Variants in NCKAP5 observed in about 807,000 individuals in gnomAD.
The protein encoded by NCKAP5 is NCK associated protein 5.
A neutral mutation model predicts 167.0 loss-of-function variants in NCKAP5; 92 were observed. That is an observed-to-expected ratio of 0.55 (90% CI 0.47 to 0.66). The LOEUF is 0.66. Among genes scored for constraint, NCKAP5 ranks in the 30% least tolerant of loss-of-function variants. The pLI, the probability that NCKAP5 is intolerant of heterozygous loss-of-function variation, is 0.00. For missense variants in NCKAP5, 2,378 were observed against 2,315.0 expected (o/e 1.03, Z -0.56); for synonymous variants, 891 against 877.4 (o/e 1.02, Z -0.27).
chr2:133,572,127 C>T (rs1361637435), upstream of NCKAP5, among the ~76,000 whole-genome samples: 2 of 152,160 alleles, frequency 1.3e-5, no homozygotes, highest in East Asian at 1.9e-4. Context: ...GTGGCAGATC[C>T]GGAATTTCAA....
chr2:133,626,882 A>T, the NCKAP5 span, among the ~76,000 whole-genome samples: 1 of 151,960 alleles, frequency 6.6e-6, no homozygotes, highest in African/African-American at 2.4e-5. Context: ...TATTCAATAA[A>T]GTTAAGGAAA....
At chr2:133,072,871 G>A (rs1450460321) in intron 6 of NCKAP5, among the ~76,000 whole-genome samples, 1 of 152,052 alleles carries the variant, frequency 6.6e-6, no homozygotes, top group Non-Finnish European at 1.5e-5. Context: ...AATAGGAAAG[G>A]AAGCCTCAAA....
intron 6 of NCKAP5, among the ~76,000 whole-genome samples, chr2:133,113,601 G>A (rs2081984317): frequency 6.6e-6 from 1 of 152,208 alleles, no homozygotes; most frequent in African/African-American, 2.4e-5. Flanking sequence ...TGCCCATGCA[G>A]AGTCTGTGCC....
intron 6 of NCKAP5, among the ~76,000 whole-genome samples, chr2:133,065,798 A>C (rs898876703): frequency 6.6e-6 from 1 of 152,206 alleles, no homozygotes; most frequent in African/African-American, 2.4e-5. Flanking sequence ...AGCCTCCTCA[A>C]AGCGGTAGTA....
Position 133,185,345 on chromosome 2 carries a change from G to A in NCKAP5, c.207+28371C>T, listed in dbSNP as rs369834891. ...GTGTCTGCTTTTGCACCAGTACCAC[G>A]GTGTTTTGGTTACTGTGGCACTATA... On this transcript the variant is annotated intron_variant, in intron 5 of 19. Transcript: ENST00000409261. 7.9e-5 allele frequency among the ~76,000 whole-genome samples: 12 copies of A among 152,158 alleles called. No homozygotes were observed. In the South Asian group the frequency reaches 1.5e-3, roughly 18 times the overall value.
At chr2:133,084,261 C>G (rs183924485) in intron 6 of NCKAP5, among the ~76,000 whole-genome samples, 8 of 152,226 alleles carry the variant, frequency 5.3e-5, no homozygotes, top group Admixed American at 4.6e-4. Context: ...TGAAACAGAT[C>G]TGGAATGAAT....
intron 6 of NCKAP5, among the ~76,000 whole-genome samples, chr2:133,014,010 G>C (rs1286895574): frequency 6.6e-6 from 1 of 152,128 alleles, no homozygotes; most frequent in Non-Finnish European, 1.5e-5. Context: ...TCCTGTCCTT[G>C]AACTGCTCTT....
intron 2 of NCKAP5, among the ~76,000 whole-genome samples, chr2:133,558,842 A>C (rs932997240): frequency 2.0e-5 from 3 of 151,864 alleles, no homozygotes; most frequent in African/African-American, 7.3e-5. Context: ...CAAAATACTG[A>C]GTAAAGGGAA....
At chr2:133,003,987 C>T (rs977232645) in intron 6 of NCKAP5, among the ~76,000 whole-genome samples, 5 of 152,214 alleles carry the variant, frequency 3.3e-5, no homozygotes, top group Middle Eastern at 3.4e-3. Context: ...AGAGAAGTCC[C>T]GTTTTGCACA....
chr2:133,441,222 T>G (rs1194608127), intron 3 of NCKAP5, among the ~76,000 whole-genome samples: 1 of 152,190 alleles, frequency 6.6e-6, no homozygotes, highest in Non-Finnish European at 1.5e-5. Flanking sequence ...ATATATGTTC[T>G]GTCATAAGGA....
At chr2:133,086,175 A>G (rs1376977960) in intron 6 of NCKAP5, among the ~76,000 whole-genome samples, 1 of 152,136 alleles carries the variant, frequency 6.6e-6, no homozygotes, top group African/African-American at 2.4e-5. Context: ...TCAATTACTG[A>G]GCTCTACTGC....
At position 133,048,114 on chromosome 2, in the gene NCKAP5, C is replaced by A. The variant is rs542288022; in HGVS notation, c.342-53875G>T. On this transcript the variant is annotated intron_variant, in intron 6 of 19. Transcript: ENST00000409261. Reference sequence around the variant, plus strand: ...CTCACTGTGGTGTGAGTTTCACAGTCAAAGGAGGACGGCCTAAGTCCTTTG... The same window carrying A: ...CTCACTGTGGTGTGAGTTTCACAGTAAAAGGAGGACGGCCTAAGTCCTTTG... 2.0e-5 allele frequency among the ~76,000 whole-genome samples: 3 copies of A among 152,272 alleles called. No individual in the cohort carries two copies. The East Asian group carries it at 5.8e-4, about 30-fold the overall frequency.
At chr2:133,156,605 A>C (rs145854916) in intron 5 of NCKAP5, among the ~76,000 whole-genome samples, 1 of 152,256 alleles carries the variant, frequency 6.6e-6, no homozygotes, top group East Asian at 1.9e-4. Flanking sequence ...TAACATACTG[A>C]GTATTGGTTC....
intron 3 of NCKAP5, among the ~76,000 whole-genome samples, chr2:133,312,159 C>T (rs1574670929): frequency 6.6e-6 from 1 of 152,152 alleles, no homozygotes; most frequent in African/African-American, 2.4e-5. Flanking sequence ...TCTTTATAAC[C>T]TCTGTCATAT....
intron 11 of NCKAP5, among the ~76,000 whole-genome samples, chr2:132,831,885 G>A (rs1256660478): frequency 6.6e-6 from 1 of 151,982 alleles, no homozygotes; most frequent in East Asian, 1.9e-4. Context: ...TGCTTATCTT[G>A]TTACAGCTAT....
chr2:132,724,538 C>A (rs920838153), intron 19 of NCKAP5, among the ~76,000 whole-genome samples: 5 of 152,058 alleles, frequency 3.3e-5, no homozygotes, highest in Admixed American at 3.3e-4. Context: ...TAGGAGCCGG[C>A]ATCATCCTAG....
intron 3 of NCKAP5, among the ~76,000 whole-genome samples, 159 bp from the exon 4 acceptor site, chr2:133,303,269 A>G (rs1204298485): frequency 6.6e-6 from 1 of 152,160 alleles, no homozygotes; most frequent in Non-Finnish European, 1.5e-5. Context: ...ATCATATGTA[A>G]ATACTATTTT....
intron 4 of NCKAP5, among the ~76,000 whole-genome samples, chr2:133,219,988 ATG>A (rs1465475972): frequency 6.6e-6 from 1 of 152,216 alleles, no homozygotes; most frequent in South Asian, 2.1e-4. Context: ...GTCCCAATAT[ATG>A]TGTGAAACCA....
the NCKAP5 span, among the ~76,000 whole-genome samples, chr2:133,647,052 G>T: frequency 6.6e-6 from 1 of 152,100 alleles, no homozygotes; most frequent in East Asian, 1.9e-4. Flanking sequence ...AAAGAAGATA[G>T]CAAGAGAAGA....
Sources: allele counts gnomAD v4.1 joint callset (sites outside exome capture counted in the v4.1 genomes callset), GRCh38; gene constraint gnomAD v4.1.1; transcripts MANE v1.5; gene names NCBI Gene and HGNC (gene_info 2026-07-23, HGNC 2026-07-21).